The following FARP1 variants were observed in gnomAD, a reference collection of about 807,000 sequenced individuals.
The protein encoded by FARP1 is FERM, ARH/RhoGEF and pleckstrin domain protein 1.
A neutral mutation model predicts 128.8 loss-of-function variants in FARP1; 52 were observed. That is an observed-to-expected ratio of 0.40 (90% CI 0.32 to 0.51). FARP1 has a LOEUF of 0.51. Among genes scored for constraint, FARP1 ranks in the 20% least tolerant of loss-of-function variants. The pLI, the probability that FARP1 is intolerant of heterozygous loss-of-function variation, is 0.45. For synonymous variants in FARP1, 580 were observed against 551.8 expected (o/e 1.05, Z -0.72); for missense variants, 1,333 against 1,367.9 (o/e 0.97, Z 0.40).
intron 2 of FARP1, among the ~76,000 whole-genome samples, chr13:98,296,142 T>C (rs868258742): frequency 6.6e-6 from 1 of 152,046 alleles, no homozygotes; most frequent in Non-Finnish European, 1.5e-5. Context: ...ACATGGAGCA[T>C]GTCCTGGTTT....
At chr13:98,270,830 T>C (rs1437919229) in intron 2 of FARP1, among the ~76,000 whole-genome samples, 5 of 152,176 alleles carry the variant, frequency 3.3e-5, no homozygotes, top group Non-Finnish European at 7.3e-5. Context: ...TCTTCTCTTC[T>C]AAATGGAACA....
intron 16 of FARP1, among the ~76,000 whole-genome samples, chr13:98,412,927 C>T (rs1173093145): frequency 6.6e-6 from 1 of 152,210 alleles, no homozygotes; most frequent in Non-Finnish European, 1.5e-5. Flanking sequence ...GCTGTATCCT[C>T]ACTACCAGTG....
chr13:98,166,979 G>A (rs146179099), intron 1 of FARP1, among the ~76,000 whole-genome samples: 3 of 152,070 alleles, frequency 2.0e-5, no homozygotes, highest in African/African-American at 7.2e-5. Flanking sequence ...TGCCTGCCTC[G>A]GCCTCCCAAA....
At chr13:98,360,786 A>G (rs1361079369) in intron 3 of FARP1, among the ~76,000 whole-genome samples, 1 of 152,222 alleles carries the variant, frequency 6.6e-6, no homozygotes, top group Non-Finnish European at 1.5e-5. Context: ...CATTTCAGCC[A>G]GATGCCTTTC....
chr13:98,327,807 C>A (rs1442356256), intron 2 of FARP1, among the ~76,000 whole-genome samples: 1 of 152,146 alleles, frequency 6.6e-6, no homozygotes, highest in Admixed American at 6.5e-5. Context: ...TCGCAGCCTG[C>A]AAAGCGGGCA....
At chr13:98,393,074 G>C (rs915956529) in intron 11 of FARP1, among the ~76,000 whole-genome samples, 4 of 152,166 alleles carry the variant, frequency 2.6e-5, no homozygotes, top group African/African-American at 9.7e-5. Context: ...ATGGGGAAAA[G>C]GGGAATAGGC....
chr13:98,363,805 G>A (rs9513411), intron 3 of FARP1, among the ~76,000 whole-genome samples: 67,029 of 151,990 alleles, frequency 0.44, 16,501 homozygotes, highest in Non-Finnish European at 0.58. Flanking sequence ...GCAGTGGTGC[G>A]ATCTTGGCTC....
At chr13:98,145,833 G>T (rs1875496633) in intron 1 of FARP1, among the ~76,000 whole-genome samples, 1 of 142,114 alleles carries the variant, frequency 7.0e-6, no homozygotes, top group Non-Finnish European at 1.5e-5. Flanking sequence ...CTGCACTCCA[G>T]CCTGGGCAAC....
At chr13:98,312,014 T>A (rs964158808) in intron 2 of FARP1, among the ~76,000 whole-genome samples, 1 of 151,854 alleles carries the variant, frequency 6.6e-6, no homozygotes, top group African/African-American at 2.4e-5. Flanking sequence ...TGGCTAATTT[T>A]TGTATTTTTT....
At chr13:98,436,784 C>T (rs1368831483) in intron 19 of FARP1, among the ~76,000 whole-genome samples, 2 of 152,186 alleles carry the variant, frequency 1.3e-5, no homozygotes, top group Non-Finnish European at 2.9e-5. Context: ...CACTTAATGA[C>T]CTTATTTACC....
chr13:98,184,207 T>C (rs1420684965), intron 1 of FARP1, among the ~76,000 whole-genome samples: 1 of 146,650 alleles, frequency 6.8e-6, no homozygotes, highest in Non-Finnish European at 1.5e-5. Context: ...AACCTCTGCC[T>C]TCTGGGTTCA....
chr13:98,391,721 A>G lies in FARP1; in HGVS notation c.1088+841A>G, dbSNP rs558537185. 2.6e-5 allele frequency among the ~76,000 whole-genome samples: 4 copies of G among 152,128 alleles called. No individual in the cohort carries two copies. The East Asian group carries it at 5.8e-4, about 22-fold the overall frequency. On this transcript the variant is annotated intron_variant, in intron 11 of 26. Transcript: ENST00000319562. The stretch of plus-strand genomic sequence containing the variant: ...AGGTCAGTGCTCTTTTATTCCCTTT[A>G]TAAAGATGGAGATACTGAGTCCCCA...
chr13:98,208,937 C>T (rs1880477166), intron 1 of FARP1, among the ~76,000 whole-genome samples: 1 of 152,166 alleles, frequency 6.6e-6, no homozygotes, highest in Non-Finnish European at 1.5e-5. Context: ...GGGAAGAAAA[C>T]TCTACAAAAT....
intron 2 of FARP1, among the ~76,000 whole-genome samples, chr13:98,312,348 C>G (rs1266178377): frequency 1.3e-5 from 2 of 151,830 alleles, no homozygotes; most frequent in African/African-American, 4.8e-5. Context: ...ACCGTGTTAG[C>G]CAGGATGGTC....
At chr13:98,305,388 C>T (rs781594919) in intron 2 of FARP1, among the ~76,000 whole-genome samples, 45 of 151,678 alleles carry the variant, frequency 3.0e-4, no homozygotes, top group Non-Finnish European at 5.0e-4. Context: ...AGTGCAAAGA[C>T]GTGATCTCAG....
At chr13:98,213,130 C>CT (rs1373033807) in intron 1 of FARP1, 90 bp from the exon 2 acceptor site, 1 of 1,037,286 alleles carries the variant, frequency 9.6e-7, no homozygotes, top group East Asian at 2.5e-5. Flanking sequence ...ATGGAGCCCC[C>CT]TGCCCACCTG....
chr13:98,340,793 T>C (rs9582213), intron 2 of FARP1: 50,609 of 152,080 alleles, frequency 0.33, 9,206 homozygotes, highest in African/African-American at 0.46. Context: ...AGCAGCTCAT[T>C]GCTCCCTACA....
intron 1 of FARP1, among the ~76,000 whole-genome samples, chr13:98,153,516 TA>T (rs1367389737): frequency 0.067 from 7,937 of 118,346 alleles, 306 homozygotes; most frequent in Middle Eastern, 0.09. Flanking sequence ...TATAAATATA[TA>T]TTTATATATA....
At chr13:98,226,367 CATATT>C (rs1202601928) in intron 2 of FARP1, among the ~76,000 whole-genome samples, 1 of 152,134 alleles carries the variant, frequency 6.6e-6, no homozygotes, top group Admixed American at 6.6e-5. Flanking sequence ...AGGACATGGT[CATATT>C]AGATTAGGGC....
Sources: allele counts gnomAD v4.1 joint callset (sites outside exome capture counted in the v4.1 genomes callset), GRCh38; gene constraint gnomAD v4.1.1; transcripts MANE v1.5; gene names NCBI Gene and HGNC (gene_info 2026-07-23, HGNC 2026-07-21).